Variants in TMEM260 observed in about 807,000 individuals in gnomAD.
The protein encoded by TMEM260 is protein O-mannosyl-transferase TMEM260.
In TMEM260, 82 loss-of-function variants were observed where a neutral mutation model predicts 88.9. The observed-to-expected ratio is 0.92, with a 90% CI of 0.77 to 1.11. TMEM260 has a LOEUF of 1.11. TMEM260 is among the 50% of genes least tolerant of loss of function. The pLI, the probability that TMEM260 is intolerant of heterozygous loss-of-function variation, is 0.00. For synonymous variants in TMEM260, 314 were observed against 309.3 expected, an observed-to-expected ratio of 1.02 and a Z score of -0.16; for missense variants, 902 against 853.4, an observed-to-expected ratio of 1.06 and a Z score of -0.71.
intron 10 of TMEM260, chr14:56,619,232 C>G (rs1887765557): frequency 6.4e-6 from 1 of 157,090 alleles, no homozygotes; most frequent in African/African-American, 2.4e-5. Flanking sequence ...AGTACAGTGG[C>G]ATGATCGTAG....
chr14:56,614,750 A>G (rs1260250544), intron 7 of TMEM260, among the ~76,000 whole-genome samples: 2 of 152,224 alleles, frequency 1.3e-5, no homozygotes, highest in East Asian at 1.9e-4. Flanking sequence ...GGACCAAGTC[A>G]TCATGTAGAA....
the TMEM260 span, among the ~76,000 whole-genome samples, chr14:56,662,904 G>T: frequency 3.5e-4 from 54 of 152,326 alleles, no homozygotes; most frequent in African/African-American, 1.2e-3. Flanking sequence ...AACGCGGGCG[G>T]ATCAGCTGAG....
intron 13 of TMEM260, among the ~76,000 whole-genome samples, chr14:56,633,844 A>G (rs1888819015): frequency 6.6e-6 from 1 of 152,170 alleles, no homozygotes; most frequent in Admixed American, 6.5e-5. Context: ...TCCATTACCT[A>G]CTTTTAAAGT....
intron 11 of TMEM260, among the ~76,000 whole-genome samples, chr14:56,623,493 A>C (rs1420204401): frequency 6.6e-6 from 1 of 152,138 alleles, no homozygotes; most frequent in Non-Finnish European, 1.5e-5. Flanking sequence ...ATATACTCAC[A>C]CCTAAACTGC....
chr14:56,585,387 T>TTAA (rs1291565364), intron 2 of TMEM260, among the ~76,000 whole-genome samples: 1 of 152,088 alleles, frequency 6.6e-6, no homozygotes, highest in African/African-American at 2.4e-5. Context: ...AGCATGGTGG[T>TTAA]AATCCGATAG....
chr14:56,640,892 T>G (rs1268862736), intron 15 of TMEM260, among the ~76,000 whole-genome samples: 1 of 152,050 alleles, frequency 6.6e-6, no homozygotes, highest in East Asian at 1.9e-4. Context: ...GAAGAAAGGG[T>G]ATCAGCGATG....
At chr14:56,655,686 A>C in the TMEM260 span, among the ~76,000 whole-genome samples, 1 of 152,296 alleles carries the variant, frequency 6.6e-6, no homozygotes, top group South Asian at 2.1e-4. Flanking sequence ...CTAGAACTTT[A>C]TTTTATGGGA....
downstream of TMEM260, among the ~76,000 whole-genome samples, chr14:56,654,780 C>CTCCAACCT (rs1255917819): frequency 1.5e-5 from 2 of 129,932 alleles, no homozygotes; most frequent in African/African-American, 3.0e-5. Context: ...CGCCATTGCA[C>CTCCAACCT]TCCAACCTGG....
intron 3 of TMEM260, among the ~76,000 whole-genome samples, chr14:56,596,577 A>C (rs962501591): frequency 6.6e-6 from 1 of 150,558 alleles, no homozygotes; most frequent in Non-Finnish European, 1.5e-5. Context: ...GACTAGCCTC[A>C]ACATGGAGAA....
chr14:56,609,009 TA>T, intron 5 of TMEM260, 96 bp from the exon 6 acceptor site: 1 of 1,251,918 alleles, frequency 8.0e-7, no homozygotes, highest in Non-Finnish European at 1.1e-6. Context: ...CAGCTCTGAG[TA>T]AACATATTTG....
intron 3 of TMEM260, among the ~76,000 whole-genome samples, chr14:56,587,216 A>G (rs996053284): frequency 1.3e-5 from 2 of 151,926 alleles, no homozygotes; most frequent in East Asian, 3.8e-4. Context: ...GAACAAAAAC[A>G]TTTAAAGAAG....
chr14:56,659,515 G>A, the TMEM260 span, among the ~76,000 whole-genome samples: 4 of 152,188 alleles, frequency 2.6e-5, no homozygotes, highest in African/African-American at 4.8e-5. Context: ...CTGTCTAGGT[G>A]GACCTGGGTG....
downstream of TMEM260, among the ~76,000 whole-genome samples, chr14:56,652,289 A>G (rs1890220261): frequency 3.9e-5 from 6 of 152,232 alleles, no homozygotes; most frequent in South Asian, 1.2e-3. Flanking sequence ...TGAGTCCGAG[A>G]GTTTGAGACC....
downstream of TMEM260, among the ~76,000 whole-genome samples, chr14:56,650,761 AGTTTAT>A (rs1244390207): frequency 1.4e-5 from 1 of 73,066 alleles, no homozygotes; most frequent in Non-Finnish European, 4.1e-5. Context: ...TAGTTTTTTA[AGTTTAT>A]GTTTTAAAAG....
At chr14:56,650,143 T>C (rs756273741), downstream of TMEM260, 4 of 450,170 alleles carry the variant, frequency 8.9e-6, no homozygotes, top group South Asian at 6.3e-5. Flanking sequence ...GAGACTGTAA[T>C]GGAGGTGACT....
chr14:56,597,651 G>T (rs7159762), intron 3 of TMEM260, among the ~76,000 whole-genome samples: 59,403 of 151,956 alleles, frequency 0.39, 11,872 homozygotes, highest in South Asian at 0.45. Flanking sequence ...TACTCTGTTG[G>T]CAATGGCGGG....
intron 14 of TMEM260, 120 bp downstream of exon 14, chr14:56,635,072 C>T: frequency 1.2e-6 from 1 of 858,802 alleles, no homozygotes; most frequent in Non-Finnish European, 1.9e-6. Context: ...CATTTATGAG[C>T]AATTATGTTT....
intron 15 of TMEM260, among the ~76,000 whole-genome samples, chr14:56,640,060 C>G (rs1889456819): frequency 6.6e-6 from 1 of 152,254 alleles, no homozygotes; most frequent in South Asian, 2.1e-4. Flanking sequence ...GTAGGCTCCA[C>G]CTGTTGGGGC....
At position 56,582,026 on chromosome 14, in the gene TMEM260, A is replaced by T. The variant is rs1357899150; in HGVS notation, c.160+1952A>T. Among the ~76,000 whole-genome samples, 3 of 152,164 alleles carry T rather than the reference A, an allele frequency of 2.0e-5. No homozygotes were observed. The East Asian group carries it at 5.8e-4, about 29-fold the overall frequency. On this transcript the variant is annotated intron_variant, in intron 1 of 15. Transcript: ENST00000261556. Reference sequence around the variant, plus strand: ...TTTAATTTTGTTTGGTTTGATGTTAAATAGTGGTTGCTTCTAATATTTTTA... The same window carrying T: ...TTTAATTTTGTTTGGTTTGATGTTATATAGTGGTTGCTTCTAATATTTTTA...
Sources: allele counts gnomAD v4.1 joint callset (sites outside exome capture counted in the v4.1 genomes callset), GRCh38; gene constraint gnomAD v4.1.1; transcripts MANE v1.5; gene names NCBI Gene and HGNC (gene_info 2026-07-23, HGNC 2026-07-21).